The following CASR variants were observed in gnomAD, a reference collection of about 807,000 sequenced individuals.
CASR encodes the protein calcium sensing receptor, also known as extracellular calcium-sensing receptor.
In CASR, 23 loss-of-function variants were observed where a neutral mutation model predicts 69.1. That is an observed-to-expected ratio of 0.33 (90% CI 0.24 to 0.47). The LOEUF is 0.47. Ranked by LOEUF, CASR falls within the 20% of genes least tolerant of loss-of-function variation. The probability of loss-of-function intolerance (pLI) is 1.00; values close to 1 mark genes in which losing one functional copy is unlikely to be tolerated. For missense variants in CASR, 924 were observed against 1,356.1 expected (o/e 0.68, Z 5.00); for synonymous variants, 541 against 544.7 (o/e 0.99, Z 0.10).
At chr3:122,239,446 G>A (rs934890591) in intron 1 of CASR, among the ~76,000 whole-genome samples, 3 of 152,200 alleles carry the variant, frequency 2.0e-5, no homozygotes, top group Non-Finnish European at 4.4e-5. Flanking sequence ...TCAAATCCTG[G>A]CTCCCAACTG....
At chr3:122,239,221 A>T (rs552863962) in intron 1 of CASR, among the ~76,000 whole-genome samples, 1 of 152,152 alleles carries the variant, frequency 6.6e-6, no homozygotes, top group Admixed American at 6.5e-5. Context: ...GCCTGGCAGC[A>T]TTCACCACAA....
chr3:122,256,171 C>T (rs184979148), intron 2 of CASR, among the ~76,000 whole-genome samples: 2 of 152,332 alleles, frequency 1.3e-5, no homozygotes, highest in Admixed American at 6.5e-5. Context: ...CACTGTTGTA[C>T]ACCCCAGACT....
At chr3:122,227,013 G>A (rs2074229750) in intron 1 of CASR, among the ~76,000 whole-genome samples, 1 of 152,040 alleles carries the variant, frequency 6.6e-6, no homozygotes, top group African/African-American at 2.4e-5. Context: ...CACAAACACT[G>A]AGCTAGACAC....
chr3:122,225,004 T>C (rs1484032200), intron 1 of CASR, among the ~76,000 whole-genome samples: 1 of 152,180 alleles, frequency 6.6e-6, no homozygotes, highest in Non-Finnish European at 1.5e-5. Context: ...CTGGGTTAAC[T>C]GGCTCGCATA....
chr3:122,201,488 C>T (rs1040657597), intron 1 of CASR, among the ~76,000 whole-genome samples: 3 of 152,258 alleles, frequency 2.0e-5, no homozygotes, highest in African/African-American at 2.4e-5. Context: ...CCATTGTCAT[C>T]ATGGCCTGCT....
chr3:122,202,373 G>A (rs1456055077), intron 1 of CASR, among the ~76,000 whole-genome samples: 1 of 152,032 alleles, frequency 6.6e-6, no homozygotes, highest in Non-Finnish European at 1.5e-5. Context: ...CAGCAGTACA[G>A]TCCAGCTTCG....
At chr3:122,232,793 G>C (rs1200458226) in intron 1 of CASR, among the ~76,000 whole-genome samples, 4 of 152,160 alleles carry the variant, frequency 2.6e-5, no homozygotes, top group Non-Finnish European at 5.9e-5. Context: ...CAAAGAAAGT[G>C]AAGTGATTGC....
intron 1 of CASR, among the ~76,000 whole-genome samples, chr3:122,220,459 A>G (rs2074159096): frequency 6.6e-6 from 1 of 152,210 alleles, no homozygotes; most frequent in South Asian, 2.1e-4. Flanking sequence ...ACAGAGCAAC[A>G]TCTCTGTTGC....
chr3:122,220,053 T>A (rs1227791041), intron 1 of CASR, among the ~76,000 whole-genome samples: 1 of 152,240 alleles, frequency 6.6e-6, no homozygotes, highest in African/African-American at 2.4e-5. Flanking sequence ...TTGTGTCTAC[T>A]GCGATGAGCG....
At chr3:122,191,811 A>G (rs2073842592) in intron 1 of CASR, among the ~76,000 whole-genome samples, 1 of 152,234 alleles carries the variant, frequency 6.6e-6, no homozygotes, top group South Asian at 2.1e-4. Context: ...AGACAATCAC[A>G]TGGGTGGTGA....
intron 5 of CASR, among the ~76,000 whole-genome samples, chr3:122,281,728 G>A (rs186828606): frequency 2.0e-3 from 304 of 152,196 alleles, no homozygotes; most frequent in Non-Finnish European, 3.4e-3. Flanking sequence ...AACCCACCAT[G>A]GTCATGATGC....
chr3:122,214,651 T>G (rs973311674), intron 1 of CASR, among the ~76,000 whole-genome samples: 1 of 152,232 alleles, frequency 6.6e-6, no homozygotes, highest in East Asian at 1.9e-4. Flanking sequence ...TCATTCATTT[T>G]GTACATAAAC....
Position 122,289,506 on chromosome 3 carries a change from G to A in CASR, c.*4315G>A, listed in dbSNP as rs1171495866. The A allele has an allele frequency of 6.6e-6, 1 of 152,322 alleles. No homozygotes were observed. Among genetic ancestry groups the A allele is most frequent in the Admixed American group, 6.5e-5 (1 of 15,288 alleles). 9.4% of individuals were successfully genotyped at this position (152,322 alleles called of 1,614,324 possible). On this transcript the variant is annotated 3_prime_UTR_variant, in exon 7 of 7. Transcript: ENST00000639785. ...CACAGGAATAAAGGTGCATTCCAAG[G>A]ATCCAAAGAAGAACCTTAGCCTTGA...
rs1374886450 is a variant in CASR, at chr3:122,254,173, G to T, written c.-17G>T. ...TCCTAGCTGTCTCATCCCTTGCCCT[G>T]GAGAGACGGCAGAACCATGGCATTT... On this transcript the variant is annotated 5_prime_UTR_variant, in exon 2 of 7. Coordinates refer to ENST00000639785, the MANE Select transcript of CASR (RefSeq NM_000388.4). 6.2e-7 allele frequency: 1 copy of T among 1,612,212 alleles called. No homozygotes were observed. The highest frequency in any genetic ancestry group is 1.7e-5 in the Admixed American group (1 of 60,022).
At chr3:122,198,524 G>A (rs1362796845) in intron 1 of CASR, among the ~76,000 whole-genome samples, 6 of 152,022 alleles carry the variant, frequency 3.9e-5, no homozygotes, top group African/African-American at 1.2e-4. Flanking sequence ...ATATGTATGT[G>A]TATATATAAT....
intron 1 of CASR, among the ~76,000 whole-genome samples, chr3:122,213,912 C>G: frequency 6.6e-6 from 1 of 152,210 alleles, no homozygotes; most frequent in East Asian, 1.9e-4. Flanking sequence ...CTCATTTCTT[C>G]CACATGATTG....
At chr3:122,197,579 C>A (rs185127159) in intron 1 of CASR, among the ~76,000 whole-genome samples, 1 of 152,242 alleles carries the variant, frequency 6.6e-6, no homozygotes, top group East Asian at 1.9e-4. Context: ...TTTAATAACT[C>A]TTTTTTTCTT....
At chr3:122,212,717 C>T (rs1417722331) in intron 1 of CASR, among the ~76,000 whole-genome samples, 2 of 151,806 alleles carry the variant, frequency 1.3e-5, no homozygotes, top group Non-Finnish European at 2.9e-5. Context: ...TCTCGGCTCA[C>T]CACAACCTCC....
At chr3:122,267,065 C>G (rs1355802847) in intron 4 of CASR, among the ~76,000 whole-genome samples, 1 of 152,226 alleles carries the variant, frequency 6.6e-6, no homozygotes, top group Admixed American at 6.5e-5. Flanking sequence ...AAATTATCTT[C>G]TAACTTATGT....
Sources: gnomAD v4.1 joint callset for allele counts (sites outside exome capture counted in the v4.1 genomes callset) on GRCh38, gnomAD v4.1.1 for gene constraint, MANE v1.5 for transcripts, NCBI Gene and HGNC (gene_info 2026-07-23, HGNC 2026-07-21) for gene names.